The following NDRG1 variants were observed in gnomAD, a reference collection of about 807,000 sequenced individuals.
The protein encoded by NDRG1 is N-myc downstream regulated 1, also known as protein NDRG1.
A neutral mutation model predicts 56.9 loss-of-function variants in NDRG1; 32 were observed. The observed-to-expected ratio is 0.56, with a 90% CI of 0.42 to 0.76. The LOEUF is 0.76. NDRG1 is among the 30% of genes least tolerant of loss of function. The pLI, the probability that NDRG1 is intolerant of heterozygous loss-of-function variation, is 0.00. For missense variants in NDRG1, 507 were observed against 545.7 expected, an observed-to-expected ratio of 0.93 and a Z score of 0.71; for synonymous variants, 211 against 204.1, an observed-to-expected ratio of 1.03 and a Z score of -0.29.
chr8:133,273,274 T>A (rs78933297), intron 3 of NDRG1, among the ~76,000 whole-genome samples: 20 of 152,298 alleles, frequency 1.3e-4, no homozygotes, highest in Non-Finnish European at 2.5e-4. Context: ...AAAAGCAATT[T>A]GAAGCCACAG....
chr8:133,244,975 A>G (rs2130678885), intron 13 of NDRG1, among the ~76,000 whole-genome samples: 1 of 152,248 alleles, frequency 6.6e-6, no homozygotes, highest in East Asian at 1.9e-4. Context: ...CGCTGACGGC[A>G]AGGGAGCAGG....
intron 1 of NDRG1, among the ~76,000 whole-genome samples, chr8:133,289,309 C>T (rs1360989339): frequency 6.6e-6 from 1 of 152,128 alleles, no homozygotes; most frequent in Admixed American, 6.5e-5. Flanking sequence ...TCAAGAATGG[C>T]ATGGAGAATT....
chr8:133,284,405 T>TG (rs1483838388), intron 1 of NDRG1, 76 bp from the exon 2 acceptor site: 2 of 1,371,882 alleles, frequency 1.5e-6, no homozygotes, highest in African/African-American at 2.9e-5. Flanking sequence ...CCAAGACCAA[T>TG]GGCAAGAAGG....
intron 4 of NDRG1, 100 bp from the exon 5 acceptor site, chr8:133,262,267 C>T (rs964876346): frequency 6.9e-7 from 1 of 1,446,238 alleles, no homozygotes; most frequent in Non-Finnish European, 9.5e-7. Flanking sequence ...CATTCCTATT[C>T]AGAAGTAGGA....
intron 1 of NDRG1, chr8:133,284,962 G>A: frequency 2.5e-6 from 1 of 408,008 alleles, no homozygotes; most frequent in Middle Eastern, 3.7e-4. Flanking sequence ...TGAACGCACA[G>A]TACAATTTTG....
intron 13 of NDRG1, among the ~76,000 whole-genome samples, chr8:133,246,201 C>T (rs950047349): frequency 1.2e-4 from 18 of 152,368 alleles, no homozygotes; most frequent in African/African-American, 4.1e-4. Flanking sequence ...AATCCAGCTG[C>T]GAGTGAGCTG....
At chr8:133,246,688 T>C in intron 12 of NDRG1, 25 bp from the exon 13 acceptor site, 2 of 1,613,560 alleles carry the variant, frequency 1.2e-6, no homozygotes, top group South Asian at 2.2e-5. Context: ...GGAAATCTGT[T>C]AATTTTCTAC....
intron 1 of NDRG1, among the ~76,000 whole-genome samples, chr8:133,286,013 GCTTCTTAGCATACC>G (rs886426530): frequency 6.6e-6 from 1 of 152,302 alleles, no homozygotes; most frequent in African/African-American, 2.4e-5. Context: ...TTTCACAGGA[GCTTCTTAGCATACC>G]CTGCTCAGCA....
intron 8 of NDRG1, chr8:133,255,184 G>C (rs1856300041): frequency 7.3e-6 from 3 of 410,222 alleles, no homozygotes; most frequent in African/African-American, 4.2e-5. Flanking sequence ...GCAAAAATGA[G>C]TAGGAGAGAA....
chr8:133,265,375 G>A (rs1452518200), intron 3 of NDRG1, among the ~76,000 whole-genome samples: 1 of 152,190 alleles, frequency 6.6e-6, no homozygotes, highest in Non-Finnish European at 1.5e-5. Context: ...GGGCCTGCCT[G>A]AAAGTATGGC....
At chr8:133,271,890 C>G (rs1857210613) in intron 3 of NDRG1, among the ~76,000 whole-genome samples, 1 of 150,878 alleles carries the variant, frequency 6.6e-6, no homozygotes, top group Non-Finnish European at 1.5e-5. Context: ...AGACAGCCAC[C>G]CACTTACTGA....
intron 1 of NDRG1, among the ~76,000 whole-genome samples, chr8:133,287,204 A>G (rs1426463290): frequency 6.6e-6 from 1 of 152,216 alleles, no homozygotes; most frequent in Non-Finnish European, 1.5e-5. Flanking sequence ...TTAAAAAGCC[A>G]AGGTGCTTCG....
intron 7 of NDRG1, among the ~76,000 whole-genome samples, chr8:133,257,840 G>A (rs1856461700): frequency 6.6e-6 from 1 of 152,128 alleles, no homozygotes; most frequent in African/African-American, 2.4e-5. Flanking sequence ...CCAACCTCCA[G>A]CAAAGCCCAG....
At chr8:133,261,895 A>G (rs1856676697) in intron 5 of NDRG1, 152 bp downstream of exon 5, 1 of 1,123,218 alleles carries the variant, frequency 8.9e-7, no homozygotes, top group Non-Finnish European at 1.2e-6. Context: ...CTTTTATGTT[A>G]TGTATCTTTT....
intron 15 of NDRG1, 104 bp from the exon 16 acceptor site, chr8:133,239,223 A>G (rs1438551770): frequency 2.0e-6 from 3 of 1,516,134 alleles, no homozygotes; most frequent in Non-Finnish European, 2.7e-6. Flanking sequence ...CCAGCCCCAG[A>G]GAAGACTTGA....
At chr8:133,266,094 C>T (rs1244320104) in intron 3 of NDRG1, among the ~76,000 whole-genome samples, 1 of 152,240 alleles carries the variant, frequency 6.6e-6, no homozygotes, top group African/African-American at 2.4e-5. Flanking sequence ...GGAGCCCTGC[C>T]AGAGCCATGT....
chr8:133,260,986 C>G (rs1198524236), intron 5 of NDRG1, among the ~76,000 whole-genome samples: 1 of 152,150 alleles, frequency 6.6e-6, no homozygotes, highest in Non-Finnish European at 1.5e-5. Flanking sequence ...CCATACAGAT[C>G]ACGAGCTGAC....
chr8:133,259,371 C>T (rs778128429), intron 5 of NDRG1, 141 bp from the exon 6 acceptor site: 56 of 775,082 alleles, frequency 7.2e-5, no homozygotes, highest in Admixed American at 6.7e-4. Flanking sequence ...CTAGTCCCTT[C>T]GCATCCTCCT....
intron 13 of NDRG1, among the ~76,000 whole-genome samples, chr8:133,244,950 C>G (rs919808799): frequency 1.3e-5 from 2 of 152,102 alleles, no homozygotes; most frequent in South Asian, 2.1e-4. Flanking sequence ...GTGCAGCCAG[C>G]CTGGAAATGG....
Sources: allele counts gnomAD v4.1 joint callset (sites outside exome capture counted in the v4.1 genomes callset), GRCh38; gene constraint gnomAD v4.1.1; transcripts MANE v1.5; gene names NCBI Gene and HGNC (gene_info 2026-07-23, HGNC 2026-07-21).